The following ADAMTS9 variants were observed in gnomAD, a reference collection of about 807,000 sequenced individuals.
The protein encoded by ADAMTS9 is ADAM metallopeptidase with thrombospondin type 1 motif 9, also known as A disintegrin and metalloproteinase with thrombospondin motifs 9.
In ADAMTS9, 107 loss-of-function variants were observed where a neutral mutation model predicts 257.1. The observed-to-expected ratio is 0.42, with a 90% CI of 0.36 to 0.49. ADAMTS9 has a LOEUF of 0.49. Ranked by LOEUF, ADAMTS9 falls within the 20% of genes least tolerant of loss-of-function variation. The probability of loss-of-function intolerance (pLI) is 0.03; values close to 1 mark genes in which losing one functional copy is unlikely to be tolerated. For missense variants in ADAMTS9, 2,353 were observed against 2,469.1 expected, an observed-to-expected ratio of 0.95 and a Z score of 1.00; for synonymous variants, 982 against 880.9, an observed-to-expected ratio of 1.11 and a Z score of -2.03.
intron 3 of ADAMTS9, among the ~76,000 whole-genome samples, chr3:64,662,477 T>A (rs971075024): frequency 2.0e-5 from 3 of 152,108 alleles, no homozygotes; most frequent in Non-Finnish European, 4.4e-5. Context: ...GGCTGCTCTA[T>A]CCATTATTGA....
At chr3:64,568,613 T>C in intron 28 of ADAMTS9, 78 bp from the exon 29 acceptor site, 3 of 1,540,290 alleles carry the variant, frequency 1.9e-6, no homozygotes, top group Non-Finnish European at 2.7e-6. Flanking sequence ...CGTCTTGAGA[T>C]GTTAAGACAA....
intron 28 of ADAMTS9, among the ~76,000 whole-genome samples, chr3:64,570,390 A>T (rs1255624741): frequency 3.9e-5 from 6 of 152,200 alleles, no homozygotes; most frequent in Non-Finnish European, 8.8e-5. Flanking sequence ...GGGGTCAGGC[A>T]GCAAAGCTAT....
At chr3:64,581,961 C>G (rs61684233) in intron 28 of ADAMTS9, among the ~76,000 whole-genome samples, 2,823 of 152,214 alleles carry the variant, frequency 0.019, 73 homozygotes, top group African/African-American at 0.064. Context: ...TCTCCAGTCT[C>G]AAAGCTTTGG....
Position 64,613,388 on chromosome 3 carries a change from T to C in ADAMTS9, c.3311A>G (p.Gln1104Arg). ...ETKPTSMQTC[Q>R]QPECASWQAG... ...CTGCCAGGATGCACATTCCGGCTGC[T>C]GACAAGTCTGCATAGATGTTGGCTT... The change falls in exon 22 of 40, where the codon CAG (glutamine) becomes CGG (arginine). Residue 1104 changes from glutamine (Q) to arginine (R), a missense_variant. Gln to Arg is a conservative substitution (Grantham distance 43). Transcript: ENST00000498707. The C allele has an allele frequency of 1.9e-6, 3 of 1,613,996 alleles. No homozygotes were observed. Among genetic ancestry groups the C allele is most frequent in the Non-Finnish European group, 2.5e-6 (3 of 1,179,894 alleles).
At chr3:64,623,644 C>A (rs1030920483) in intron 16 of ADAMTS9, among the ~76,000 whole-genome samples, 1 of 152,290 alleles carries the variant, frequency 6.6e-6, no homozygotes, top group African/African-American at 2.4e-5. Flanking sequence ...CCAACCCAGA[C>A]CATTATTTCT....
intron 19 of ADAMTS9, 150 bp downstream of exon 19, chr3:64,620,964 A>G: frequency 1.1e-6 from 1 of 950,818 alleles, no homozygotes; most frequent in African/African-American, 1.7e-5. Context: ...TCAGTTCCAG[A>G]GGGATGGAGA....
chr3:64,571,139 T>C (rs1441264699), intron 28 of ADAMTS9, among the ~76,000 whole-genome samples: 2 of 152,196 alleles, frequency 1.3e-5, no homozygotes, highest in Non-Finnish European at 2.9e-5. Flanking sequence ...CATCAGAAGT[T>C]ACAGCCTAAA....
rs760367250 is a variant in ADAMTS9, at chr3:64,622,576, G to A, written c.2400C>T (p.Ser800=). The change falls in exon 17 of 40, where the codon AGC becomes AGT. Residue 800 remains serine (S), a synonymous_variant. Coordinates refer to ENST00000498707, the MANE Select transcript of ADAMTS9 (RefSeq NM_182920.2). The part of the protein sequence containing the change: ...TDDDNYLALS[S]SKGEFLLNGN... The stretch of plus-strand genomic sequence containing the variant: ...CATTTAGCAAGAATTCACCTTTACT[G>A]CTTGATAAAGCTGTAGGTGAAGAAA... 1 of 1,613,914 alleles carries A rather than the reference G, an allele frequency of 6.2e-7. No individual in the cohort carries two copies. The highest frequency in any genetic ancestry group is 2.2e-5 in the East Asian group (1 of 44,856).
intron 27 of ADAMTS9, among the ~76,000 whole-genome samples, chr3:64,596,518 G>C (rs932482635): frequency 3.9e-5 from 6 of 152,112 alleles, no homozygotes; most frequent in African/African-American, 1.4e-4. Context: ...TCCATGGACC[G>C]ATTTAACACA....
intron 31 of ADAMTS9, among the ~76,000 whole-genome samples, chr3:64,547,918 G>A (rs1470572651): frequency 2.6e-5 from 4 of 151,210 alleles, no homozygotes; most frequent in Non-Finnish European, 5.9e-5. Flanking sequence ...ATTTAGTTTT[G>A]ATGATATTTT....
chr3:64,650,049 GTT>G, intron 9 of ADAMTS9: 1 of 337,864 alleles, frequency 3.0e-6, no homozygotes, highest in East Asian at 5.3e-5. Context: ...GCAATTATCT[GTT>G]TATGTTTGAC....
At chr3:64,647,908 A>G in intron 11 of ADAMTS9, 32 bp downstream of exon 11, 2 of 1,590,250 alleles carry the variant, frequency 1.3e-6, no homozygotes, top group Non-Finnish European at 1.7e-6. Context: ...TTTCTGCCCT[A>G]AGACAGAAGG....
intron 4 of ADAMTS9, 66 bp downstream of exon 4, chr3:64,658,436 T>A: frequency 6.6e-7 from 1 of 1,509,596 alleles, no homozygotes; most frequent in Non-Finnish European, 9.0e-7. Flanking sequence ...AAGCACTGAG[T>A]GGAAACCCAT....
chr3:64,656,068 G>T (rs904747375), intron 4 of ADAMTS9, 193 bp from the exon 5 acceptor site: 2 of 486,170 alleles, frequency 4.1e-6, no homozygotes, highest in Non-Finnish European at 7.5e-6. Flanking sequence ...CACAGTTTTA[G>T]ATAACAGTGA....
At chr3:64,636,109 C>T (rs893393053) in intron 12 of ADAMTS9, among the ~76,000 whole-genome samples, 4 of 151,868 alleles carry the variant, frequency 2.6e-5, no homozygotes, top group Non-Finnish European at 5.9e-5. Flanking sequence ...TCTTATATGA[C>T]ACGTCTTAGC....
chr3:64,638,512 C>T (rs929650905), intron 12 of ADAMTS9, among the ~76,000 whole-genome samples: 4 of 152,104 alleles, frequency 2.6e-5, no homozygotes, highest in African/African-American at 7.2e-5. Flanking sequence ...ATTAATAATT[C>T]CTTCAGGGCA....
rs748929453 is a variant in ADAMTS9, at chr3:64,541,620, C to T, written c.5198G>A (p.Cys1733Tyr). The T allele has an allele frequency of 1.2e-5, 19 of 1,612,428 alleles. No homozygotes were observed. Among genetic ancestry groups the T allele is most frequent in the Non-Finnish European group, 1.7e-6 (2 of 1,178,648 alleles). Residue 1733 changes from cysteine to tyrosine, a missense_variant and splice_region_variant, in exon 34 of 40, where the codon TGT becomes TAT. Around this residue, in one of 3 missense-constraint regions of ADAMTS9, gnomAD observed 1,402 missense variants for 1,441.4 expected, o/e 0.97. Transcript: ENST00000498707. ...ERKTCRNVYNCELPQNCKEVK... is the reference protein window; with the variant it reads ...ERKTCRNVYNYELPQNCKEVK... ...CTCCTTGCAATTCTGGGGTAACTCA[C>T]CTAGAAAACACCAATCACAAAAAAT...
intron 9 of ADAMTS9, 41 bp downstream of exon 9, chr3:64,650,976 A>G (rs1481508548): frequency 1.3e-6 from 2 of 1,563,194 alleles, no homozygotes; most frequent in Non-Finnish European, 1.7e-6. Context: ...CATGTAGGCC[A>G]GGCACTAGAA....
intron 14 of ADAMTS9, among the ~76,000 whole-genome samples, chr3:64,633,083 C>A (rs1382597801): frequency 6.6e-6 from 1 of 152,132 alleles, no homozygotes; most frequent in African/African-American, 2.4e-5. Flanking sequence ...AGCTCTTCTT[C>A]CTGACATATT....
Sources: allele counts gnomAD v4.1 joint callset (sites outside exome capture counted in the v4.1 genomes callset), GRCh38; gene constraint gnomAD v4.1.1; regional missense constraint gnomAD v4.1.1; transcripts MANE v1.5; gene names NCBI Gene and HGNC (gene_info 2026-07-23, HGNC 2026-07-21).